Variants in GTPBP3 observed in about 807,000 individuals in gnomAD.
The protein encoded by GTPBP3 is 5-taurinomethyluridine-[tRNA] synthase subunit GTPB3, mitochondrial.
In GTPBP3, 35 loss-of-function variants were observed where a neutral mutation model predicts 42.0. The ratio of observed to expected loss-of-function variants is 0.83; its 90% CI spans 0.64 to 1.10. The LOEUF (loss-of-function observed/expected upper bound fraction) is 1.10. Ranked by LOEUF, GTPBP3 falls within the 50% of genes least tolerant of loss-of-function variation. GTPBP3 has a pLI of 0.00. For synonymous variants in GTPBP3, 332 were observed against 314.9 expected (o/e 1.05, Z -0.58); for missense variants, 691 against 685.2 (o/e 1.01, Z -0.09).
chr19:17,339,609 CAG>C lies in GTPBP3; in HGVS notation c.974+11_974+12del. 6 of 1,593,904 alleles carry C rather than the reference CAG, an allele frequency of 3.8e-6. No individual in the cohort carries two copies. In the African/African-American group the frequency reaches 5.4e-5, roughly 14 times the overall value. On this transcript the variant is annotated intron_variant, in intron 7 of 8. Coordinates refer to ENST00000324894, the MANE Select transcript of GTPBP3 (RefSeq NM_032620.4). ...GGCGCGCCCGGGAGAGGTGGGCGGACAGGGTGGTGATGGGAGGGGAACGCGGG... is the reference window on the plus strand; with the variant it reads ...GGCGCGCCCGGGAGAGGTGGGCGGACGGTGGTGATGGGAGGGGAACGCGGG...
chr19:17,339,885 T>A (rs2074412096), intron 7 of GTPBP3, among the ~76,000 whole-genome samples: 1 of 150,750 alleles, frequency 6.6e-6, no homozygotes, highest in Non-Finnish European at 1.5e-5. Context: ...TAGCTGGGAT[T>A]ACAGGCGGGA....
At chr19:17,336,130 G>T (rs2074365303), upstream of GTPBP3, among the ~76,000 whole-genome samples, 1 of 151,484 alleles carries the variant, frequency 6.6e-6, no homozygotes, top group Non-Finnish European at 1.5e-5. Context: ...CAGCTACTTG[G>T]GAGTCTGAGG....
chr19:17,338,926 A>G (rs1229855826), intron 4 of GTPBP3, 28 bp from the exon 5 acceptor site: 1 of 1,570,290 alleles, frequency 6.4e-7, no homozygotes, highest in South Asian at 1.2e-5. Context: ...GGGTGCACAC[A>G]CCACCTCTGC....
rs780097138 is a variant in GTPBP3, at chr19:17,341,444, G to A, written c.1254-34G>A. The stretch of plus-strand genomic sequence containing the variant: ...TCCCCTTCAAGGGATGGTTGTAAAA[G>A]GTCGGGAGAGACCATGTCTCTTGTC... On this transcript the variant is annotated intron_variant, in intron 8 of 8. Coordinates refer to ENST00000324894, the MANE Select transcript of GTPBP3 (RefSeq NM_032620.4). 36 of 1,589,816 alleles carry A rather than the reference G, an allele frequency of 2.3e-5. No homozygotes were observed. In the South Asian group the frequency reaches 4.0e-4, roughly 18 times the overall value.
intron 6 of GTPBP3, 53 bp from the exon 7 acceptor site, chr19:17,339,381 G>C (rs1005638033): frequency 7.5e-6 from 12 of 1,600,224 alleles, no homozygotes; most frequent in Non-Finnish European, 1.0e-5. Flanking sequence ...GTAGAACCTG[G>C]GGGAGGAGCT....
upstream of GTPBP3, among the ~76,000 whole-genome samples, chr19:17,335,318 G>A (rs1215444176): frequency 6.6e-6 from 1 of 152,196 alleles, no homozygotes; most frequent in East Asian, 1.9e-4. Context: ...CTCCCTTCAG[G>A]ATGTAACCTC....
Position 17,339,153 on chromosome 19 carries a change from C to A in GTPBP3, c.695C>A (p.Ala232Asp), listed in dbSNP as rs1390220299. ...ADIEVRALQV[A>D]LGAHLRDARR... ...ATCGAAGTACGGGCACTGCAGGTGG[C>A]CCTGGGTGCACATCTACGAGATGCC... Residue 232 changes from alanine (A) to aspartate (D), a missense_variant, in exon 6 of 9, where the codon GCC (alanine) becomes GAC (aspartate). Ala to Asp is a moderately radical substitution (Grantham distance 126, BLOSUM62 -2). Transcript: ENST00000324894. The A allele has an allele frequency of 6.2e-7, 1 of 1,613,960 alleles. No individual in the cohort carries two copies. The highest frequency in any genetic ancestry group is 8.5e-7 in the Non-Finnish European group (1 of 1,180,032).
At position 17,337,599 on chromosome 19, in the gene GTPBP3, A is replaced by G. The variant is rs1555726464; in HGVS notation, c.-13A>G. 7.6e-7 allele frequency: 1 copy of G among 1,313,426 alleles called. No individual in the cohort carries two copies. The highest frequency in any genetic ancestry group is 9.8e-7 in the Non-Finnish European group (1 of 1,025,092). 81.4% of individuals were successfully genotyped at this position (1,313,426 alleles called of 1,614,324 possible). ...CAGGCAGGTCGGGCAGGCGGGTCGC[A>G]GGTTGTAAATCCATGTGGCGGGGGC... is the stretch of plus-strand genomic sequence containing the variant. On this transcript the variant is annotated 5_prime_UTR_variant, in exon 1 of 9. Coordinates refer to ENST00000324894, the MANE Select transcript of GTPBP3 (RefSeq NM_032620.4).
At position 17,339,208 on chromosome 19, in the gene GTPBP3, G is replaced by A; in HGVS notation, c.750G>A (p.Val250=). 6.2e-7 allele frequency: 1 copy of A among 1,612,648 alleles called. No homozygotes were observed. Among genetic ancestry groups the A allele is most frequent in the Non-Finnish European group, 8.5e-7 (1 of 1,179,904 alleles). Residue 250 remains valine (V), a synonymous_variant, in exon 6 of 9, where the codon GTG becomes GTA. Transcript: ENST00000324894. ...GCGGGCAGAGGCTCCGCTCAGGGGTGCACGTAGTGGTCACTGGACCCCCCA... is the reference window on the plus strand; with the variant it reads ...GCGGGCAGAGGCTCCGCTCAGGGGTACACGTAGTGGTCACTGGACCCCCCA... ...ARRGQRLRSG[V]HVVVTGPPNA... is the part of the protein sequence containing the mutation.
chr19:17,339,738 C>CTTT (rs34014252), intron 7 of GTPBP3, 139 bp downstream of exon 7: 10 of 490,102 alleles, frequency 2.0e-5, no homozygotes, highest in African/African-American at 3.0e-5. Flanking sequence ...GGATTTGGTT[C>CTTT]TTTTTTTTTT....
At chr19:17,335,297 G>C (rs537398865), upstream of GTPBP3, among the ~76,000 whole-genome samples, 10 of 152,218 alleles carry the variant, frequency 6.6e-5, no homozygotes, top group Non-Finnish European at 1.2e-4. Flanking sequence ...TCTTCGTCCG[G>C]TTAACACCGA....
Position 17,342,643 on chromosome 19 carries a change from A to G in GTPBP3, c.*940A>G, listed in dbSNP as rs1333265977. The G allele has an allele frequency of 1.3e-5, 2 of 152,114 alleles. No homozygotes were observed. The highest frequency in any genetic ancestry group is 2.1e-4 in the South Asian group (1 of 4,824). The allele number at this position is 152,114 out of a possible 1,614,324, so 9.4% of individuals were successfully genotyped here. A position where few individuals can be genotyped will look rare whatever the true frequency, so the allele number is the denominator to read the frequency against. On this transcript the variant is annotated 3_prime_UTR_variant, in exon 9 of 9. Transcript: ENST00000324894. ...ATGGCTTAATGTGTGTCTTTCCAGAACTTTGAATGTTTGCATACTTGTGGA... is the reference window on the plus strand; with the variant it reads ...ATGGCTTAATGTGTGTCTTTCCAGAGCTTTGAATGTTTGCATACTTGTGGA...
intron 7 of GTPBP3, 50 bp downstream of exon 7, chr19:17,339,649 C>T (rs758507563): frequency 1.3e-6 from 2 of 1,505,494 alleles, no homozygotes; most frequent in Non-Finnish European, 1.8e-6. Context: ...CCTTTCTCTG[C>T]CTTTTCTCCC....
rs866503337 is a variant in GTPBP3, at chr19:17,339,259, C to G, written c.801C>G (p.Asn267Lys). 3.1e-6 allele frequency: 5 copies of G among 1,604,836 alleles called. No individual in the cohort carries two copies. In the African/African-American group the frequency reaches 4.0e-5, roughly 13 times the overall value. The change falls in exon 6 of 9, where the codon AAC becomes AAG. Residue 267 changes from asparagine (N) to lysine (K), a missense_variant. Coordinates refer to ENST00000324894, the MANE Select transcript of GTPBP3 (RefSeq NM_032620.4). ...ATGCGGGCAAGAGCAGCCTAGTGAA[C>G]CTGCTCAGTGAGTAGGCGGCGGGAA... Reference protein sequence around the residue: ...PPNAGKSSLVNLLSRKPVSIV... With the variant: ...PPNAGKSSLVKLLSRKPVSIV...
upstream of GTPBP3, chr19:17,335,148 G>C: frequency 6.5e-7 from 1 of 1,535,666 alleles, no homozygotes; most frequent in Non-Finnish European, 8.7e-7. Flanking sequence ...GAGGACGTGG[G>C]AGGGGCGGGC....
In GTPBP3 at chr19:17,341,124, C is replaced by G. The variant is rs1568368028; in HGVS notation, c.1055C>G (p.Thr352Ser). 3.1e-6 allele frequency: 5 copies of G among 1,613,852 alleles called. No individual in the cohort carries two copies. Among genetic ancestry groups the G allele is most frequent in the Non-Finnish European group, 4.2e-6 (5 of 1,180,022 alleles). ...CCCTCCAGTTGCAACTTCCTGGCCA[C>G]CGTCGTAGCCTCTGTGGGAGCCCAG... is the stretch of plus-strand genomic sequence containing the variant. The part of the protein sequence containing the change: ...ASPSSCNFLA[T>S]VVASVGAQSP... Residue 352 changes from threonine (T) to serine (S), a missense_variant, in exon 8 of 9, where the codon ACC becomes AGC. Physicochemically the swap from Thr to Ser is moderately conservative, Grantham distance 58 (BLOSUM62 1). Transcript: ENST00000324894.
intron 4 of GTPBP3, 35 bp downstream of exon 4, chr19:17,338,776 G>C (rs1405455450): frequency 1.5e-5 from 23 of 1,581,316 alleles, no homozygotes; most frequent in Non-Finnish European, 1.9e-5. Flanking sequence ...CTCCCTCAGA[G>C]ACCCCATCTG....
chr19:17,338,735 C>T lies in GTPBP3; in HGVS notation c.585C>T (p.Leu195=), dbSNP rs772441236. ...TCTGCCGTGGCTGGGCCGAGACCCT[C>T]ACCAAAGCAAGTCCCCCATTTGTCC... is the stretch of plus-strand genomic sequence containing the variant. ...GHLCRGWAET[L]TKALAHVEAY... is the part of the protein sequence containing the mutation. Residue 195 remains leucine, a synonymous_variant, in exon 4 of 9, where the codon CTC becomes CTT. Transcript: ENST00000324894. 1.9e-6 allele frequency: 3 copies of T among 1,606,288 alleles called. No homozygotes were observed. The African/African-American group carries it at 4.0e-5, about 21-fold the overall frequency.
rs2074439128 is a variant in GTPBP3, at chr19:17,342,102, TTCCCC to T, written c.*401_*405del. 6.9e-6 allele frequency: 1 copy of T among 144,964 alleles called. No individual in the cohort carries two copies. Among genetic ancestry groups the T allele is most frequent in the Admixed American group, 6.9e-5 (1 of 14,520 alleles). The allele number at this position is 144,964 out of a possible 1,614,324, so 9.0% of individuals were successfully genotyped here. A position where few individuals can be genotyped will look rare whatever the true frequency, so the allele number is the denominator to read the frequency against. ...TTTCCCTTTCCCTTTCCCCTTCCCC[TTCCCC>T]TTCCCCTTCCCCTACCCTTCCCTCC... On this transcript the variant is annotated 3_prime_UTR_variant, in exon 9 of 9. Coordinates refer to ENST00000324894, the MANE Select transcript of GTPBP3 (RefSeq NM_032620.4).
Sources: gnomAD v4.1 joint callset for allele counts (sites outside exome capture counted in the v4.1 genomes callset) on GRCh38, gnomAD v4.1.1 for gene constraint, MANE v1.5 for transcripts, NCBI Gene and HGNC (gene_info 2026-07-23, HGNC 2026-07-21) for gene names.